STK3: variants seen among roughly 807,000 people sequenced by gnomAD.
STK3 encodes serine/threonine-protein kinase 3.
Under a neutral mutation model 58.0 loss-of-function variants are expected in STK3, and 41 were observed. That is an observed-to-expected ratio of 0.71 (90% CI 0.55 to 0.92). The LOEUF (loss-of-function observed/expected upper bound fraction) is 0.92. Ranked by LOEUF, STK3 falls within the 40% of genes least tolerant of loss-of-function variation. The pLI, the probability that STK3 is intolerant of heterozygous loss-of-function variation, is 0.00. For synonymous variants in STK3, 170 were observed against 191.0 expected (o/e 0.89, Z 0.91); for missense variants, 479 against 602.7 (o/e 0.79, Z 2.15).
At chr8:98,713,424 TA>T (rs1428534120) in intron 4 of STK3, among the ~76,000 whole-genome samples, 2 of 151,200 alleles carry the variant, frequency 1.3e-5, no homozygotes, top group Non-Finnish European at 1.5e-5. Context: ...ATAGAAGCAA[TA>T]AAAAAATGAT....
At chr8:98,345,332 G>A in the STK3 span, among the ~76,000 whole-genome samples, 5 of 151,972 alleles carry the variant, frequency 3.3e-5, no homozygotes, top group South Asian at 2.1e-4. Flanking sequence ...AAAACCACTC[G>A]TTTGCATGTA....
chr8:98,665,388 A>C (rs569076582), intron 6 of STK3, among the ~76,000 whole-genome samples: 1 of 152,080 alleles, frequency 6.6e-6, no homozygotes, highest in Non-Finnish European at 1.5e-5. Flanking sequence ...TAAACCACCA[A>C]GGTTTCTTTT....
intron 10 of STK3, among the ~76,000 whole-genome samples, chr8:98,491,503 C>T (rs1822697764): frequency 2.0e-5 from 3 of 151,702 alleles, no homozygotes; most frequent in Non-Finnish European, 2.9e-5. Context: ...TGCAGTGGCA[C>T]GATCTCAGCT....
intron 10 of STK3, among the ~76,000 whole-genome samples, chr8:98,478,335 G>A (rs1821543386): frequency 6.6e-6 from 1 of 152,140 alleles, no homozygotes; most frequent in Admixed American, 6.5e-5. Context: ...GGGGTGGGGT[G>A]GAAGAAGGGG....
chr8:98,419,773 C>A (rs1034423036), intron 3 of STK3, among the ~76,000 whole-genome samples: 5 of 152,200 alleles, frequency 3.3e-5, no homozygotes, highest in African/African-American at 1.2e-4. Flanking sequence ...AATCTCGACA[C>A]CCTGTGGTTT....
the STK3 span, among the ~76,000 whole-genome samples, chr8:98,358,347 T>C: frequency 6.6e-6 from 1 of 152,076 alleles, no homozygotes; most frequent in Non-Finnish European, 1.5e-5. Flanking sequence ...AAAAACATGC[T>C]GCAGTTTCAA....
At chr8:98,624,453 A>G (rs1587067781) in intron 6 of STK3, among the ~76,000 whole-genome samples, 1 of 152,344 alleles carries the variant, frequency 6.6e-6, no homozygotes, top group East Asian at 1.9e-4. Context: ...GTCAGATAGT[A>G]GACAATAAAT....
At chr8:98,753,481 G>T (rs548833214) in intron 3 of STK3, among the ~76,000 whole-genome samples, 1 of 152,274 alleles carries the variant, frequency 6.6e-6, no homozygotes, top group Non-Finnish European at 1.5e-5. Context: ...AAGGTGGAAG[G>T]TGGAAGGAGG....
intron 8 of STK3, among the ~76,000 whole-genome samples, chr8:98,550,453 T>C (rs544035904): frequency 6.6e-6 from 1 of 152,262 alleles, no homozygotes; most frequent in South Asian, 2.1e-4. Context: ...ATCTCTCCAG[T>C]CTCTCCTATC....
At chr8:98,429,522 A>AG (rs1818298500) in intron 3 of STK3, 1 of 768,460 alleles carries the variant, frequency 1.3e-6, no homozygotes, top group East Asian at 2.6e-5. Context: ...CCAGCCCCTG[A>AG]GGGGAGAGAT....
At chr8:98,802,467 G>A (rs1330677068) in intron 1 of STK3, among the ~76,000 whole-genome samples, 1 of 152,012 alleles carries the variant, frequency 6.6e-6, no homozygotes, top group East Asian at 1.9e-4. Flanking sequence ...TATATATAGG[G>A]GAATATATTA....
At chr8:98,442,225 C>G (rs370117268) in intron 1 of STK3, among the ~76,000 whole-genome samples, 16 of 152,348 alleles carry the variant, frequency 1.1e-4, no homozygotes, top group African/African-American at 3.8e-4. Context: ...GCCCCCAGCC[C>G]CTCTCCCTGA....
chr8:98,653,052 C>T (rs1821097988), intron 6 of STK3, among the ~76,000 whole-genome samples: 1 of 152,200 alleles, frequency 6.6e-6, no homozygotes, highest in African/African-American at 2.4e-5. Context: ...CCACACCACA[C>T]CTATTCCAAA....
At chr8:98,445,982 A>G (rs1420549762) in intron 1 of STK3, among the ~76,000 whole-genome samples, 1 of 152,206 alleles carries the variant, frequency 6.6e-6, no homozygotes, top group Non-Finnish European at 1.5e-5. Flanking sequence ...AGACCACATG[A>G]TTCCATGACC....
At chr8:98,361,357 T>C in the STK3 span, among the ~76,000 whole-genome samples, 1 of 152,098 alleles carries the variant, frequency 6.6e-6, no homozygotes, top group Non-Finnish European at 1.5e-5. Context: ...TATATTATGG[T>C]GTGGTTAAGG....
intron 8 of STK3, among the ~76,000 whole-genome samples, chr8:98,549,362 G>A (rs1217321951): frequency 3.9e-5 from 6 of 152,130 alleles, no homozygotes; most frequent in Admixed American, 6.5e-5. Flanking sequence ...GACTACTGAT[G>A]TTGAGCAATC....
chr8:98,608,903 G>C (rs1277272501), intron 6 of STK3, among the ~76,000 whole-genome samples: 3 of 152,214 alleles, frequency 2.0e-5, no homozygotes, highest in Non-Finnish European at 4.4e-5. Flanking sequence ...CTGATTACTT[G>C]AGGGTTAAAT....
At chr8:98,819,624 ATATT>A (rs1195607528) in intron 1 of STK3, among the ~76,000 whole-genome samples, 1 of 152,126 alleles carries the variant, frequency 6.6e-6, no homozygotes, top group Non-Finnish European at 1.5e-5. Flanking sequence ...ACTACTTTGA[ATATT>A]TTGTCCACTT....
chr8:98,775,372 A>T (rs956370017), intron 1 of STK3, among the ~76,000 whole-genome samples: 6 of 152,184 alleles, frequency 3.9e-5, no homozygotes, highest in African/African-American at 1.4e-4. Flanking sequence ...CAGCTCTGAC[A>T]TATCTTTTCC....
Sources: gnomAD v4.1 joint callset for allele counts (sites outside exome capture counted in the v4.1 genomes callset) on GRCh38, gnomAD v4.1.1 for gene constraint, MANE v1.5 for transcripts, NCBI Gene and HGNC (gene_info 2026-07-23, HGNC 2026-07-21) for gene names.